The following IQCM variants were observed in gnomAD, a reference collection of about 807,000 sequenced individuals.
IQCM encodes the protein IQ domain-containing protein M.
IQCM carries 45 observed loss-of-function variants against 57.6 expected under a neutral mutation model. The ratio of observed to expected loss-of-function variants is 0.78; its 90% CI spans 0.62 to 1.00. The LOEUF is 1.00. Ranked by LOEUF, IQCM falls within the 50% of genes least tolerant of loss-of-function variation. The probability of loss-of-function intolerance (pLI) is 0.00; values close to 1 mark genes in which losing one functional copy is unlikely to be tolerated. For synonymous variants in IQCM, 148 were observed against 158.9 expected (o/e 0.93, Z 0.51); for missense variants, 468 against 511.6 (o/e 0.91, Z 0.82).
chr4:149,806,713 T>C (rs1291784324), intron 2 of IQCM, among the ~76,000 whole-genome samples: 2 of 152,010 alleles, frequency 1.3e-5, no homozygotes, highest in Admixed American at 6.6e-5. Flanking sequence ...AAAAATCTTA[T>C]GACCTTGAAG....
chr4:149,749,323 A>C (rs1047530448), intron 2 of IQCM, among the ~76,000 whole-genome samples: 2 of 152,236 alleles, frequency 1.3e-5, no homozygotes, highest in Non-Finnish European at 2.9e-5. Flanking sequence ...TAGAATACAC[A>C]ATTTGCATTT....
At chr4:149,581,887 T>C (rs956213477) in intron 9 of IQCM, among the ~76,000 whole-genome samples, 2 of 151,468 alleles carry the variant, frequency 1.3e-5, no homozygotes, top group South Asian at 4.2e-4. Flanking sequence ...TCTTCCAAGG[T>C]GGGAAGTCAG....
At chr4:149,448,588 T>G (rs1388680631) in intron 12 of IQCM, among the ~76,000 whole-genome samples, 1 of 151,676 alleles carries the variant, frequency 6.6e-6, no homozygotes, top group Admixed American at 6.6e-5. Context: ...ATAGAATTGA[T>G]TAAATTTTAG....
intron 7 of IQCM, among the ~76,000 whole-genome samples, chr4:149,637,662 A>AT (rs1360870547): frequency 2.0e-5 from 3 of 152,236 alleles, no homozygotes; most frequent in African/African-American, 7.2e-5. Context: ...ATAATACGGT[A>AT]TTAGCAAGAG....
At chr4:149,585,461 A>C (rs977289922) in intron 9 of IQCM, among the ~76,000 whole-genome samples, 7 of 151,746 alleles carry the variant, frequency 4.6e-5, no homozygotes, top group African/African-American at 1.7e-4. Flanking sequence ...AAATATTTTC[A>C]ATTAAGTACA....
At chr4:149,700,875 T>C (rs984263178) in intron 5 of IQCM, among the ~76,000 whole-genome samples, 2 of 152,080 alleles carry the variant, frequency 1.3e-5, no homozygotes, top group African/African-American at 4.8e-5. Context: ...TTAATATTTT[T>C]ATTGTGAAGA....
At chr4:149,555,564 G>A (rs1037518106) in intron 10 of IQCM, among the ~76,000 whole-genome samples, 5 of 152,200 alleles carry the variant, frequency 3.3e-5, no homozygotes, top group Admixed American at 1.3e-4. Flanking sequence ...AACTCTTTCT[G>A]TATAGGATTT....
At chr4:149,507,242 T>C (rs1743921029) in intron 12 of IQCM, among the ~76,000 whole-genome samples, 1 of 151,986 alleles carries the variant, frequency 6.6e-6, no homozygotes, top group African/African-American at 2.4e-5. Context: ...ACTAATACAG[T>C]AAATTGGAAC....
chr4:149,393,995 G>T (rs997522898), intron 13 of IQCM, among the ~76,000 whole-genome samples: 18 of 151,904 alleles, frequency 1.2e-4, no homozygotes, highest in Non-Finnish European at 2.7e-4. Flanking sequence ...TAAAAACACT[G>T]AACAGTAGTT....
In IQCM at chr4:149,747,966, T is replaced by C. The variant is rs146747998; in HGVS notation, c.-48-5227A>G. Among the ~76,000 whole-genome samples the C allele has an allele frequency of 2.7e-3, 409 of 152,328 alleles. 4 individuals are homozygous for C. The highest frequency in any genetic ancestry group is 9.2e-3 in the African/African-American group (383 of 41,580). ...GAGCAAACTTGGATTTCAATCCTGA[T>C]TCTGCCATTGCCAAAGTGATCTGAA... On this transcript the variant is annotated intron_variant, in intron 2 of 13. Coordinates refer to ENST00000636793, the MANE Select transcript of IQCM (RefSeq NM_001363507.2).
intron 7 of IQCM, among the ~76,000 whole-genome samples, chr4:149,657,492 A>G: frequency 6.6e-6 from 1 of 152,036 alleles, no homozygotes; most frequent in East Asian, 1.9e-4. Flanking sequence ...AGATATCTCA[A>G]CAGACAGAAT....
At chr4:149,716,547 G>T (rs957235030) in intron 5 of IQCM, among the ~76,000 whole-genome samples, 1 of 152,156 alleles carries the variant, frequency 6.6e-6, no homozygotes, top group African/African-American at 2.4e-5. Flanking sequence ...GGAAGAGGGC[G>T]GGGCTCACAC....
At chr4:149,529,288 C>T (rs1343150521) in intron 12 of IQCM, among the ~76,000 whole-genome samples, 1 of 152,192 alleles carries the variant, frequency 6.6e-6, no homozygotes, top group East Asian at 1.9e-4. Context: ...TGATCTCAAA[C>T]TCCTGACCTC....
intron 12 of IQCM, among the ~76,000 whole-genome samples, chr4:149,443,663 A>AGAAAGGAAAGGAAAG (rs70965186): frequency 0.012 from 680 of 56,102 alleles, 31 homozygotes; most frequent in South Asian, 0.024. Flanking sequence ...CCAATGGTAA[A>AGAAAGGAAAGGAAAG]GAAAGGAAAG....
intron 7 of IQCM, among the ~76,000 whole-genome samples, chr4:149,640,957 C>A (rs1322002453): frequency 6.6e-6 from 1 of 152,070 alleles, no homozygotes; most frequent in Non-Finnish European, 1.5e-5. Context: ...TGGTAAAACC[C>A]TGTCCACACC....
chr4:149,773,323 G>A (rs193082906), intron 2 of IQCM, among the ~76,000 whole-genome samples: 1 of 151,230 alleles, frequency 6.6e-6, no homozygotes, highest in Non-Finnish European at 1.5e-5. Flanking sequence ...CTGCACTCCA[G>A]CCTGGGCGAC....
chr4:149,612,748 C>G (rs1485857024), intron 8 of IQCM, among the ~76,000 whole-genome samples: 1 of 151,730 alleles, frequency 6.6e-6, no homozygotes, highest in African/African-American at 2.4e-5. Context: ...GTCATTTTGT[C>G]GAAGAGATTC....
chr4:149,589,800 C>T (rs1017389638), intron 8 of IQCM, among the ~76,000 whole-genome samples: 4 of 151,870 alleles, frequency 2.6e-5, no homozygotes, highest in African/African-American at 9.7e-5. Flanking sequence ...ATGTACAACA[C>T]GTAAATGATA....
intron 7 of IQCM, among the ~76,000 whole-genome samples, chr4:149,652,198 G>A (rs1036610449): frequency 5.3e-5 from 8 of 151,928 alleles, no homozygotes; most frequent in Non-Finnish European, 1.0e-4. Flanking sequence ...AATTAACACA[G>A]GAACAGCAAA....
Sources: allele counts gnomAD v4.1 joint callset (sites outside exome capture counted in the v4.1 genomes callset), GRCh38; gene constraint gnomAD v4.1.1; transcripts MANE v1.5; gene names NCBI Gene and HGNC (gene_info 2026-07-23, HGNC 2026-07-21).